Variants in GPHN observed in about 807,000 individuals in gnomAD.
GPHN encodes gephyrin.
A neutral mutation model predicts 95.5 loss-of-function variants in GPHN; 17 were observed. The observed-to-expected ratio is 0.18, with a 90% CI of 0.12 to 0.27. GPHN has a LOEUF of 0.27. Ranked by LOEUF, GPHN falls within the 10% of genes least tolerant of loss-of-function variation. The probability of loss-of-function intolerance (pLI) is 1.00; values close to 1 mark genes in which losing one functional copy is unlikely to be tolerated. For missense variants in GPHN, 660 were observed against 978.1 expected, an observed-to-expected ratio of 0.67 and a Z score of 4.34; for synonymous variants, 320 against 322.5, an observed-to-expected ratio of 0.99 and a Z score of 0.08.
At chr14:67,690,862 A>T in the GPHN span, 5 of 434,956 alleles carry the variant, frequency 1.1e-5, no homozygotes, top group Admixed American at 1.5e-4. Flanking sequence ...GGCCACAAGG[A>T]TCACTACTAA....
At chr14:67,013,889 G>A (rs1161605587) in intron 9 of GPHN, among the ~76,000 whole-genome samples, 2 of 151,772 alleles carry the variant, frequency 1.3e-5, no homozygotes, top group Non-Finnish European at 2.9e-5. Context: ...TAATGAAAAC[G>A]AATGTGACTT....
At chr14:67,491,894 C>A in the GPHN span, among the ~76,000 whole-genome samples, 1,290 of 152,288 alleles carry the variant, frequency 8.5e-3, 26 homozygotes, top group African/African-American at 0.03. Flanking sequence ...GCCCAGGCCG[C>A]GGGGGCCTGC....
At chr14:67,273,457 C>G in the GPHN span, among the ~76,000 whole-genome samples, 2 of 152,074 alleles carry the variant, frequency 1.3e-5, no homozygotes, top group African/African-American at 4.8e-5. Flanking sequence ...TGAACTCATC[C>G]TTTTTTATGG....
chr14:67,541,154 T>C, the GPHN span, among the ~76,000 whole-genome samples: 1 of 152,218 alleles, frequency 6.6e-6, no homozygotes, highest in East Asian at 1.9e-4. Flanking sequence ...AAATAGAAGA[T>C]TGTCAAAGAC....
At chr14:67,199,386 C>G in the GPHN span, 7 of 1,613,828 alleles carry the variant, frequency 4.3e-6, no homozygotes, top group East Asian at 2.2e-5. Flanking sequence ...AACCTGGACC[C>G]TGAGATTGAT....
the GPHN span, chr14:67,343,305 T>G: frequency 8.0e-7 from 1 of 1,243,206 alleles, no homozygotes; most frequent in Non-Finnish European, 1.2e-6. Flanking sequence ...CCCTGAATTC[T>G]AGCAGTTTCA....
the GPHN span, among the ~76,000 whole-genome samples, chr14:67,517,000 C>G: frequency 1.3e-5 from 2 of 152,200 alleles, no homozygotes; most frequent in Non-Finnish European, 2.9e-5. Flanking sequence ...ATATAATATT[C>G]TCAGCACACA....
the GPHN span, chr14:67,343,478 T>C: frequency 1.5e-6 from 2 of 1,358,236 alleles, no homozygotes; most frequent in Non-Finnish European, 2.1e-6. Flanking sequence ...CACAAAGTCT[T>C]CCTAATCATT....
At chr14:66,537,083 C>G (rs183314265) in intron 1 of GPHN, among the ~76,000 whole-genome samples, 20 of 152,094 alleles carry the variant, frequency 1.3e-4, no homozygotes, top group Non-Finnish European at 2.4e-4. Flanking sequence ...TCAATACTTC[C>G]ATGGTATGAT....
the GPHN span, among the ~76,000 whole-genome samples, chr14:67,500,863 G>T: frequency 5.5e-3 from 828 of 151,796 alleles, 4 homozygotes; most frequent in Middle Eastern, 0.02. Context: ...GAGCCACCGC[G>T]CCTGGCCTGG....
intron 8 of GPHN, among the ~76,000 whole-genome samples, chr14:66,943,293 G>C (rs1485726990): frequency 6.6e-6 from 1 of 152,056 alleles, no homozygotes; most frequent in South Asian, 2.1e-4. Flanking sequence ...ATTTCCAGTA[G>C]TTTGAGTTAT....
chr14:67,070,163 C>T (rs2076225234), intron 11 of GPHN, among the ~76,000 whole-genome samples: 1 of 151,990 alleles, frequency 6.6e-6, no homozygotes. Context: ...AAAATATGCA[C>T]ATCTCATTAT....
intron 8 of GPHN, among the ~76,000 whole-genome samples, chr14:66,962,337 GT>G (rs1244757295): frequency 1.9e-4 from 26 of 137,986 alleles, no homozygotes; most frequent in Admixed American, 3.6e-4. Context: ...GGCAGTTTTT[GT>G]TTTTTTTTTT....
chr14:67,517,372 C>T, the GPHN span, among the ~76,000 whole-genome samples: 303 of 152,356 alleles, frequency 2.0e-3, 1 homozygote, highest in African/African-American at 7.1e-3. Flanking sequence ...GCACCTTATG[C>T]ATGAGGCACG....
chr14:66,991,969 G>T (rs1349596853), intron 9 of GPHN, among the ~76,000 whole-genome samples: 1 of 151,270 alleles, frequency 6.6e-6, no homozygotes, highest in African/African-American at 2.4e-5. Flanking sequence ...AATTTACAAA[G>T]AATTTGATTA....
chr14:66,549,167 T>C (rs2059722131), intron 1 of GPHN, among the ~76,000 whole-genome samples: 1 of 152,240 alleles, frequency 6.6e-6, no homozygotes, highest in Admixed American at 6.5e-5. Context: ...AGTTTTTTTC[T>C]TAACTTTTAT....
At chr14:67,194,281 T>A in the GPHN span, among the ~76,000 whole-genome samples, 3 of 151,578 alleles carry the variant, frequency 2.0e-5, no homozygotes, top group African/African-American at 4.8e-5. Flanking sequence ...GGAGGATCAC[T>A]TGAGCCCAGG....
the GPHN span, chr14:67,386,240 C>T: frequency 6.6e-6 from 1 of 152,634 alleles, no homozygotes; most frequent in Non-Finnish European, 1.5e-5. Flanking sequence ...AAGGTAGTCT[C>T]TTACCATATA....
the GPHN span, among the ~76,000 whole-genome samples, chr14:67,710,746 G>A: frequency 3.3e-5 from 5 of 149,780 alleles, no homozygotes; most frequent in African/African-American, 7.4e-5. Flanking sequence ...TAGAAAGAAC[G>A]TTTTCCTACA....
Sources: allele counts gnomAD v4.1 joint callset (sites outside exome capture counted in the v4.1 genomes callset), GRCh38; gene constraint gnomAD v4.1.1; transcripts MANE v1.5; gene names NCBI Gene and HGNC (gene_info 2026-07-23, HGNC 2026-07-21).